DCHS2: variants seen among roughly 807,000 people sequenced by gnomAD.
DCHS2 encodes the protein dachsous cadherin-related 2, also known as protocadherin-23.
A neutral mutation model predicts 182.4 loss-of-function variants in DCHS2; 142 were observed. The ratio of observed to expected loss-of-function variants is 0.78; its 90% confidence interval spans 0.68 to 0.89. DCHS2 has a LOEUF of 0.89. Ranked by LOEUF, DCHS2 falls within the 40% of genes least tolerant of loss-of-function variation. The pLI is 0.00. For synonymous variants in DCHS2, 1,740 were observed against 1,663.3 expected (o/e 1.05, Z -1.12); for missense variants, 4,319 against 4,198.6 (o/e 1.03, Z -0.79).
At chr4:154,315,230 G>C (rs1471267745) in intron 10 of DCHS2, among the ~76,000 whole-genome samples, 2 of 152,120 alleles carry the variant, frequency 1.3e-5, no homozygotes, top group Non-Finnish European at 2.9e-5. Context: ...TTTAGGCTCT[G>C]TTATTATCTC....
At chr4:154,395,208 G>A (rs995822781) in intron 1 of DCHS2, among the ~76,000 whole-genome samples, 3 of 152,154 alleles carry the variant, frequency 2.0e-5, no homozygotes, top group Non-Finnish European at 4.4e-5. Context: ...CATTAAGTAT[G>A]AGTACCACAT....
At chr4:154,353,108 G>A (rs1729695277) in intron 3 of DCHS2, among the ~76,000 whole-genome samples, 1 of 152,128 alleles carries the variant, frequency 6.6e-6, no homozygotes, top group Non-Finnish European at 1.5e-5. Context: ...CCAGTTTTTA[G>A]TCTGAACTCA....
rs1728809324 is a variant in DCHS2, at chr4:154,490,979, C to A, written c.377G>T (p.Arg126Leu). The A allele has an allele frequency of 1.9e-6, 3 of 1,550,494 alleles. No homozygotes were observed. In the African/African-American group the frequency reaches 4.1e-5, roughly 21 times the overall value. Residue 126 changes from arginine (R) to leucine (L), a missense_variant, in exon 1 of 20, where the codon CGC (arginine) becomes CTC (leucine). Transcript: ENST00000357232. ...FHVHPDTGII[R>L]TARRLDRERR... ...CTCGCGGTCCAGGCGCCGCGCAGTG[C>A]GGATGATGCCGGTGTCCGGGTGCAC...
chr4:154,328,621 A>G (rs1016252705), intron 6 of DCHS2, among the ~76,000 whole-genome samples: 3 of 152,214 alleles, frequency 2.0e-5, no homozygotes, highest in Non-Finnish European at 4.4e-5. Flanking sequence ...AGGACATACC[A>G]ATTATCAGGA....
intron 16 of DCHS2, among the ~76,000 whole-genome samples, chr4:154,252,418 G>A (rs541519506): frequency 2.0e-5 from 3 of 152,018 alleles, no homozygotes; most frequent in African/African-American, 7.2e-5. Flanking sequence ...AGCAAATACT[G>A]GGTCTTATTC....
intron 1 of DCHS2, among the ~76,000 whole-genome samples, chr4:154,416,508 G>A (rs1241215488): frequency 6.6e-6 from 1 of 152,126 alleles, no homozygotes. Flanking sequence ...CCTGAGTCCT[G>A]CTCCTATTGT....
In DCHS2 at chr4:154,280,365, T is replaced by G. The variant is rs149585969; in HGVS notation, c.6464-10352A>C. On this transcript the variant is annotated intron_variant, in intron 13 of 19. Coordinates refer to ENST00000357232, the MANE Select transcript of DCHS2 (RefSeq NM_001358235.2). ...TGAAGAGGAGAGAATACTTTGAAAC[T>G]CATATTATGAGGCCAGCATTATTCT... 2.0e-5 allele frequency among the ~76,000 whole-genome samples: 3 copies of G among 152,150 alleles called. No homozygotes were observed. In the South Asian group the frequency reaches 6.2e-4, roughly 32 times the overall value.
At chr4:154,397,583 G>A (rs538438262) in intron 1 of DCHS2, among the ~76,000 whole-genome samples, 2 of 152,234 alleles carry the variant, frequency 1.3e-5, no homozygotes, top group African/African-American at 4.8e-5. Flanking sequence ...CCGTGTCCCT[G>A]GTTTTTCTAG....
chr4:154,342,058 A>G (rs1729136095), intron 3 of DCHS2, among the ~76,000 whole-genome samples: 1 of 152,202 alleles, frequency 6.6e-6, no homozygotes, highest in African/African-American at 2.4e-5. Flanking sequence ...ACTGCAATAA[A>G]GCCAATACTG....
chr4:154,437,357 G>A (rs1273582649), intron 1 of DCHS2, among the ~76,000 whole-genome samples: 1 of 152,106 alleles, frequency 6.6e-6, no homozygotes, highest in East Asian at 1.9e-4. Flanking sequence ...GATGAAAAAA[G>A]GATGGGAAAC....
chr4:154,247,187 A>T (rs1193356108), intron 16 of DCHS2, among the ~76,000 whole-genome samples: 2 of 152,188 alleles, frequency 1.3e-5, no homozygotes, highest in Non-Finnish European at 2.9e-5. Flanking sequence ...TAAAAGAATC[A>T]GAATGGTGGC....
At chr4:154,289,878 A>G (rs2111257289) in intron 13 of DCHS2, among the ~76,000 whole-genome samples, 1 of 152,252 alleles carries the variant, frequency 6.6e-6, no homozygotes. Flanking sequence ...ATGAAATTCA[A>G]CATCCCTTCA....
At chr4:154,468,950 T>C (rs963332561) in intron 1 of DCHS2, among the ~76,000 whole-genome samples, 21 of 152,160 alleles carry the variant, frequency 1.4e-4, no homozygotes, top group Non-Finnish European at 1.5e-4. Flanking sequence ...ACGGTAACTA[T>C]GTAAAGTGAT....
At chr4:154,267,535 A>G (rs1305767549) in intron 14 of DCHS2, among the ~76,000 whole-genome samples, 1 of 152,050 alleles carries the variant, frequency 6.6e-6, no homozygotes, top group East Asian at 1.9e-4. Context: ...TAGGCAGATA[A>G]TTTTTTGTTT....
chr4:154,235,918 C>G lies in DCHS2; in HGVS notation c.8734G>C (p.Asp2912His), dbSNP rs1448023030. 7 of 1,613,912 alleles carry G rather than the reference C, an allele frequency of 4.3e-6. No homozygotes were observed. Among genetic ancestry groups the G allele is most frequent in the Non-Finnish European group, 5.9e-6 (7 of 1,179,976 alleles). ...CCAAGGGAGTAAAGAATGACTCCATCAATACCAGCATCTGCATCTGAGGCT... is the reference window on the plus strand; with the variant it reads ...CCAAGGGAGTAAAGAATGACTCCATGAATACCAGCATCTGCATCTGAGGCT... The part of the protein sequence containing the change: ...VEASDADAGI[D>H]GVILYSLGTS... Residue 2912 changes from aspartate (D) to histidine (H), a missense_variant, in exon 20 of 20, where the codon GAT (aspartate) becomes CAT (histidine). Transcript: ENST00000357232.
chr4:154,298,491 A>G lies in DCHS2; in HGVS notation c.5823T>C (p.Ser1941=). Residue 1941 remains serine (S), a synonymous_variant, in exon 13 of 20, where the codon TCT becomes TCC. Transcript: ENST00000357232. The part of the protein sequence containing the change: ...PSFPTLYYQS[S]VREDAEVGTV... ...TTCCCACTTCAGCATCTTCTCTCACAGAGGACTGGTAATAAAGTGTGGGAA... is the reference window on the plus strand; with the variant it reads ...TTCCCACTTCAGCATCTTCTCTCACGGAGGACTGGTAATAAAGTGTGGGAA... The G allele has an allele frequency of 6.2e-7, 1 of 1,614,152 alleles. No individual in the cohort carries two copies.
intron 1 of DCHS2, among the ~76,000 whole-genome samples, chr4:154,381,240 CT>C (rs1731152870): frequency 6.6e-6 from 1 of 152,082 alleles, no homozygotes; most frequent in African/African-American, 2.4e-5. Flanking sequence ...CTGTAAACTT[CT>C]TCCAACTCAG....
chr4:154,295,724 C>A (rs1463365910), intron 13 of DCHS2, among the ~76,000 whole-genome samples: 1 of 152,186 alleles, frequency 6.6e-6, no homozygotes, highest in Non-Finnish European at 1.5e-5. Flanking sequence ...AAAACTTAAT[C>A]TTTACAGTAT....
chr4:154,418,231 A>C (rs929608486), intron 1 of DCHS2, among the ~76,000 whole-genome samples: 1 of 152,196 alleles, frequency 6.6e-6, no homozygotes, highest in Non-Finnish European at 1.5e-5. Context: ...TATTTCTTTC[A>C]TATTACATAT....
Sources: allele counts gnomAD v4.1 joint callset (sites outside exome capture counted in the v4.1 genomes callset), GRCh38; gene constraint gnomAD v4.1.1; transcripts MANE v1.5; gene names NCBI Gene and HGNC (gene_info 2026-07-23, HGNC 2026-07-21).